The following RP1 variants were observed in gnomAD, a reference collection of about 807,000 sequenced individuals.
RP1 encodes RP1 axonemal microtubule associated, also known as oxygen-regulated protein 1.
A neutral mutation model predicts 14.8 loss-of-function variants in RP1; 16 were observed. The observed-to-expected ratio is 1.08, with a 90% CI of 0.73 to 1.65. The LOEUF is 1.65. RP1 is among the 40% of genes most tolerant of loss of function. The pLI is 0.00. For synonymous variants in RP1, 876 were observed against 883.6 expected (o/e 0.99, Z 0.15); for missense variants, 2,631 against 2,535.0 (o/e 1.04, Z -0.81).
chr8:54,795,047 A>G (rs1201967323), intron 24 of RP1, among the ~76,000 whole-genome samples: 1 of 152,016 alleles, frequency 6.6e-6, no homozygotes, highest in African/African-American at 2.4e-5. Flanking sequence ...GAGATACCAC[A>G]TCTAACCTGT....
intron 25 of RP1, among the ~76,000 whole-genome samples, chr8:54,842,782 C>T (rs1345927143): frequency 6.6e-6 from 1 of 152,142 alleles, no homozygotes; most frequent in Non-Finnish European, 1.5e-5. Flanking sequence ...CTACTTGTGT[C>T]CCGCCACCAC....
chr8:54,826,757 C>G (rs1188244608), intron 24 of RP1, among the ~76,000 whole-genome samples: 9 of 152,156 alleles, frequency 5.9e-5, no homozygotes, highest in African/African-American at 1.9e-4. Flanking sequence ...TTAAACTTTT[C>G]CTGCTTCATG....
chr8:54,734,807 AGTGTGTGTGTGT>A, intron 18 of RP1: 3 of 1,200,874 alleles, frequency 2.5e-6, no homozygotes, highest in Non-Finnish European at 3.4e-6. Context: ...GTAATGTAGA[AGTGTGTGTGTGT>A]GTGTGTGTGT....
intron 1 of RP1, among the ~76,000 whole-genome samples, chr8:54,590,197 C>T (rs1467059671): frequency 6.6e-6 from 1 of 152,182 alleles, no homozygotes; most frequent in Non-Finnish European, 1.5e-5. Context: ...CTGCTAAACA[C>T]AAAAATACAA....
At chr8:54,792,054 C>T (rs866805717) in intron 24 of RP1, among the ~76,000 whole-genome samples, 9 of 151,924 alleles carry the variant, frequency 5.9e-5, no homozygotes, top group Middle Eastern at 3.2e-3. Flanking sequence ...GCACGAGTGA[C>T]TATAATTATA....
chr8:54,594,894 T>C (rs1805105253), intron 1 of RP1, among the ~76,000 whole-genome samples: 1 of 152,178 alleles, frequency 6.6e-6, no homozygotes, highest in African/African-American at 2.4e-5. Context: ...AGGGAGAATT[T>C]GTGATGATAG....
At chr8:54,828,235 A>G (rs1811432253) in intron 24 of RP1, among the ~76,000 whole-genome samples, 1 of 152,220 alleles carries the variant, frequency 6.6e-6, no homozygotes, top group African/African-American at 2.4e-5. Flanking sequence ...ATAGTCATTT[A>G]TTATCTGCTA....
At chr8:54,770,920 T>G (rs913659483), downstream of RP1, among the ~76,000 whole-genome samples, 2 of 151,958 alleles carry the variant, frequency 1.3e-5, no homozygotes, top group African/African-American at 2.4e-5. Flanking sequence ...CTGAATGAAA[T>G]GGATAAATAC....
chr8:54,772,209 A>T (rs932737093), downstream of RP1, among the ~76,000 whole-genome samples: 6 of 152,094 alleles, frequency 3.9e-5, no homozygotes, highest in Admixed American at 1.3e-4. Flanking sequence ...TACATTACTC[A>T]GTTAGACTGA....
chr8:54,607,083 G>T (rs1167553883), intron 1 of RP1, among the ~76,000 whole-genome samples: 1 of 152,134 alleles, frequency 6.6e-6, no homozygotes, highest in Non-Finnish European at 1.5e-5. Flanking sequence ...TCCATTGCTG[G>T]TGAGGAGCTG....
chr8:54,606,542 A>G (rs1305534473), intron 1 of RP1, among the ~76,000 whole-genome samples: 1 of 152,076 alleles, frequency 6.6e-6, no homozygotes. Flanking sequence ...CTTCTCGAGG[A>G]GTATCTTTGT....
chr8:54,682,093 C>A (rs1335416783), intron 12 of RP1, among the ~76,000 whole-genome samples: 1 of 151,998 alleles, frequency 6.6e-6, no homozygotes. Flanking sequence ...GGTGTTTCTG[C>A]TTCTAGATCT....
chr8:54,620,633 A>T (rs1258196199), intron 1 of RP1, among the ~76,000 whole-genome samples: 1 of 152,174 alleles, frequency 6.6e-6, no homozygotes, highest in Non-Finnish European at 1.5e-5. Context: ...ATGCCAAAAG[A>T]TACATCTATA....
At chr8:54,678,166 T>C (rs972549741) in intron 8 of RP1, among the ~76,000 whole-genome samples, 1 of 152,190 alleles carries the variant, frequency 6.6e-6, no homozygotes, top group Non-Finnish European at 1.5e-5. Context: ...ATGCAGTTTA[T>C]GAAATTAAAA....
intron 12 of RP1, among the ~76,000 whole-genome samples, chr8:54,695,427 A>AT (rs1478393880): frequency 6.6e-6 from 1 of 152,066 alleles, no homozygotes; most frequent in Non-Finnish European, 1.5e-5. Flanking sequence ...AAATAAAGAA[A>AT]TTTTTATAAC....
chr8:54,830,959 G>A (rs1470500974), intron 24 of RP1, among the ~76,000 whole-genome samples: 1 of 152,012 alleles, frequency 6.6e-6, no homozygotes, highest in African/African-American at 2.4e-5. Flanking sequence ...TTGAGTACAT[G>A]GTCTTTTTTA....
intron 24 of RP1, among the ~76,000 whole-genome samples, chr8:54,817,971 C>T (rs540188884): frequency 5.3e-5 from 8 of 150,264 alleles, no homozygotes; most frequent in Non-Finnish European, 1.0e-4. Context: ...CTGCCCCTTA[C>T]AGAGCTTGTA....
Position 54,807,205 on chromosome 8 carries a change from A to G in RP1, c.3615+23495A>G, listed in dbSNP as rs567818639. 5.3e-5 allele frequency among the ~76,000 whole-genome samples: 8 copies of G among 152,346 alleles called. No homozygotes were observed. In the East Asian group the frequency reaches 1.4e-3, roughly 26 times the overall value. On this transcript the variant is annotated intron_variant, in intron 24 of 28. Transcript: ENST00000637698. ...ACAGCTTTATGAGGCCAGGTCTGTC[A>G]AGCTCCATCAGCCTTTCATTATATA...
At chr8:54,809,823 A>G (rs546462210) in intron 24 of RP1, among the ~76,000 whole-genome samples, 1 of 152,346 alleles carries the variant, frequency 6.6e-6, no homozygotes, top group Non-Finnish European at 1.5e-5. Context: ...GTCATTTGTG[A>G]TGCAGTGTGA....
Sources: allele counts gnomAD v4.1 joint callset (sites outside exome capture counted in the v4.1 genomes callset), GRCh38; gene constraint gnomAD v4.1.1; transcripts MANE v1.5; gene names NCBI Gene and HGNC (gene_info 2026-07-23, HGNC 2026-07-21).